The following SCFD1 variants were observed in gnomAD, a reference collection of about 807,000 sequenced individuals.
The protein encoded by SCFD1 is sec1 family domain-containing protein 1.
SCFD1 carries 37 observed loss-of-function variants against 103.2 expected under a neutral mutation model. That is an observed-to-expected ratio of 0.36 (90% CI 0.28 to 0.47). The LOEUF is 0.47. SCFD1 is among the 20% of genes least tolerant of loss of function. SCFD1 has a pLI of 1.00. For missense variants in SCFD1, 639 were observed against 761.2 expected (o/e 0.84, Z 1.89); for synonymous variants, 264 against 245.0 (o/e 1.08, Z -0.73).
chr14:30,691,154 A>C (rs1460656956), intron 14 of SCFD1, among the ~76,000 whole-genome samples: 3 of 151,946 alleles, frequency 2.0e-5, no homozygotes, highest in African/African-American at 4.8e-5. Flanking sequence ...TTGGATCTCA[A>C]CTCTGTACTA....
chr14:30,725,559 G>GTT (rs1477713351), intron 23 of SCFD1, among the ~76,000 whole-genome samples: 4 of 152,140 alleles, frequency 2.6e-5, no homozygotes, highest in Admixed American at 6.5e-5. Context: ...TGCTGAAGTT[G>GTT]TTTATCAGCT....
rs759772577 is a variant in SCFD1 at position 30,638,113 on chromosome 14, T to C, written c.313-12T>C. On this transcript the variant is annotated splice_polypyrimidine_tract_variant and intron_variant, in intron 4 of 24. Coordinates refer to ENST00000458591, the MANE Select transcript of SCFD1 (RefSeq NM_016106.4). Reference sequence around the variant, plus strand: ...TTATCCTATAAGAATAAAGTTTTCATTGTATTGATAGGATCTTCGAAATCA... The same window carrying C: ...TTATCCTATAAGAATAAAGTTTTCACTGTATTGATAGGATCTTCGAAATCA... The C allele has an allele frequency of 6.3e-7, 1 of 1,580,908 alleles. No homozygotes were observed. Among genetic ancestry groups the C allele is most frequent in the Non-Finnish European group, 8.6e-7 (1 of 1,167,374 alleles).
chr14:30,728,061 A>T (rs923024744), intron 23 of SCFD1, among the ~76,000 whole-genome samples: 1 of 152,168 alleles, frequency 6.6e-6, no homozygotes, highest in African/African-American at 2.4e-5. Context: ...GTTCTACATG[A>T]TCAGTCAGAG....
In SCFD1 at chr14:30,646,086, C is replaced by T. The variant is rs761028115; in HGVS notation, c.613+2681C>T. On this transcript the variant is annotated intron_variant, in intron 7 of 24. Transcript: ENST00000458591. Reference sequence around the variant, plus strand: ...CTGTCACTAGGCTGGAGTGCAGTGGCACAACCTCAGCTCACTGCAACCTCC... The same window carrying T: ...CTGTCACTAGGCTGGAGTGCAGTGGTACAACCTCAGCTCACTGCAACCTCC... 4.0e-4 allele frequency among the ~76,000 whole-genome samples: 61 copies of T among 152,160 alleles called. 1 individual carries two copies. Among genetic ancestry groups the T allele is most frequent in the Middle Eastern group, 3.4e-3 (1 of 294 alleles).
intron 7 of SCFD1, 43 bp from the exon 8 acceptor site, chr14:30,649,485 A>C (rs1481063301): frequency 7.6e-7 from 1 of 1,323,044 alleles, no homozygotes; most frequent in African/African-American, 1.5e-5. Context: ...TATCTATTTT[A>C]ATTAAGAGCC....
intron 23 of SCFD1, among the ~76,000 whole-genome samples, chr14:30,733,010 C>CTT (rs544945622): frequency 0.039 from 5,494 of 141,778 alleles, 376 homozygotes; most frequent in African/African-American, 0.13. Context: ...ATTTTTTTTT[C>CTT]TTTTTTTTTT....
At chr14:30,711,736 ATTATT>A (rs1156684028) in intron 19 of SCFD1, among the ~76,000 whole-genome samples, 2 of 151,300 alleles carry the variant, frequency 1.3e-5, no homozygotes, top group Admixed American at 1.3e-4. Flanking sequence ...TTATTAAATT[ATTATT>A]TTAGGAGTGG....
chr14:30,673,750 A>G (rs563003033), intron 12 of SCFD1, among the ~76,000 whole-genome samples, 174 bp from the exon 13 acceptor site: 13 of 152,328 alleles, frequency 8.5e-5, no homozygotes, highest in African/African-American at 2.6e-4. Flanking sequence ...TTTATGTAAC[A>G]TTAAAATATA....
chr14:30,728,314 G>A (rs1893196716), intron 23 of SCFD1, among the ~76,000 whole-genome samples: 2 of 152,224 alleles, frequency 1.3e-5, no homozygotes, highest in Admixed American at 1.3e-4. Context: ...ATATAAGTTA[G>A]TCTGTGGTAG....
In SCFD1 at chr14:30,633,990, G is replaced by A. The variant is rs757789677; in HGVS notation, c.265G>A (p.Val89Ile). 16 of 1,605,056 alleles carry A rather than the reference G, an allele frequency of 1.0e-5. No homozygotes were observed. The highest frequency in any genetic ancestry group is 1.4e-5 in the Non-Finnish European group (16 of 1,174,116). ...DRDPIPDVPA[V>I]YFVMPTEENI... ...AGATCCTATTCCAGATGTTCCTGCA[G>A]TATACTTTGTAATGCCAACTGAAGA... is the stretch of plus-strand genomic sequence containing the variant. The change falls in exon 4 of 25, where the codon GTA becomes ATA. Residue 89 changes from valine to isoleucine, a missense_variant. Transcript: ENST00000458591.
chr14:30,665,923 T>C (rs1887917614), intron 10 of SCFD1, among the ~76,000 whole-genome samples: 1 of 152,082 alleles, frequency 6.6e-6, no homozygotes, highest in African/African-American at 2.4e-5. Flanking sequence ...AACAAGTCCT[T>C]AGAGACCTAC....
intron 7 of SCFD1, among the ~76,000 whole-genome samples, chr14:30,645,865 A>T (rs1023898211): frequency 2.0e-5 from 3 of 152,034 alleles, no homozygotes; most frequent in Non-Finnish European, 4.4e-5. Flanking sequence ...GTACTATGTT[A>T]AATGGGAATG....
intron 2 of SCFD1, among the ~76,000 whole-genome samples, chr14:30,629,020 T>G (rs1211415284): frequency 6.6e-6 from 1 of 152,154 alleles, no homozygotes. Context: ...AGCTCCAGAG[T>G]ATTCCCTAAT....
chr14:30,730,524 T>G (rs968521865), intron 23 of SCFD1, among the ~76,000 whole-genome samples: 34 of 152,212 alleles, frequency 2.2e-4, no homozygotes, highest in Admixed American at 3.3e-4. Flanking sequence ...GCACCTGTTG[T>G]TCCCTGACTT....
chr14:30,730,911 A>G (rs1893412730), intron 23 of SCFD1, among the ~76,000 whole-genome samples: 1 of 152,094 alleles, frequency 6.6e-6, no homozygotes, highest in Non-Finnish European at 1.5e-5. Context: ...TGTTTTAGAC[A>G]TGAAGTCCTT....
At chr14:30,699,888 A>G (rs952013444) in intron 15 of SCFD1, among the ~76,000 whole-genome samples, 10 of 152,160 alleles carry the variant, frequency 6.6e-5, no homozygotes, top group Non-Finnish European at 1.2e-4. Flanking sequence ...CCCTGCTTAT[A>G]TCCTTTCCTT....
chr14:30,715,877 G>T, intron 19 of SCFD1, 47 bp from the exon 20 acceptor site: 1 of 1,037,558 alleles, frequency 9.6e-7, no homozygotes, highest in South Asian at 1.4e-5. Context: ...TAATAGAGAA[G>T]AACTTTGGTT....
intron 14 of SCFD1, among the ~76,000 whole-genome samples, chr14:30,693,833 C>T (rs1383492950): frequency 6.6e-6 from 1 of 152,138 alleles, no homozygotes; most frequent in East Asian, 1.9e-4. Flanking sequence ...TCTACTCCCA[C>T]TTGATTATTA....
In SCFD1 at chr14:30,648,855, T is replaced by C. The variant is rs186658997; in HGVS notation, c.614-673T>C. On this transcript the variant is annotated intron_variant, in intron 7 of 24. Transcript: ENST00000458591. Reference sequence around the variant, plus strand: ...CAGGCTTGGTGGCCTGTGCCTGCGGTCCCAGCTACTCAGGAGGCTGAGGTG... The same window carrying C: ...CAGGCTTGGTGGCCTGTGCCTGCGGCCCCAGCTACTCAGGAGGCTGAGGTG... Among the ~76,000 whole-genome samples the C allele has an allele frequency of 2.9e-3, 442 of 151,958 alleles. 4 individuals carry two copies. Among genetic ancestry groups the C allele is most frequent in the African/African-American group, 9.2e-3 (380 of 41,434 alleles).
Sources: gnomAD v4.1 joint callset for allele counts (sites outside exome capture counted in the v4.1 genomes callset) on GRCh38, gnomAD v4.1.1 for gene constraint, MANE v1.5 for transcripts, NCBI Gene and HGNC (gene_info 2026-07-23, HGNC 2026-07-21) for gene names.